PYGB: variants seen among roughly 807,000 people sequenced by gnomAD.
PYGB encodes glycogen phosphorylase, brain form.
PYGB carries 82 observed loss-of-function variants against 94.3 expected under a neutral mutation model. That is an observed-to-expected ratio of 0.87 (90% CI 0.73 to 1.04). The LOEUF is 1.04. PYGB is among the 50% of genes least tolerant of loss of function. The pLI is 0.00. For synonymous variants in PYGB, 488 were observed against 479.1 expected, an observed-to-expected ratio of 1.02 and a Z score of -0.24; for missense variants, 1,132 against 1,158.2, an observed-to-expected ratio of 0.98 and a Z score of 0.33.
In PYGB at chr20:25,278,443, T is replaced by C. The variant is rs2088334624; in HGVS notation, c.980T>C (p.Phe327Ser). Residue 327 changes from phenylalanine to serine, a missense_variant, in exon 8 of 20, where the codon TTC becomes TCC. By Grantham distance (155) the Phe-to-Ser change is radical (BLOSUM62 -2). Coordinates refer to ENST00000216962, the MANE Select transcript of PYGB (RefSeq NM_002862.4). ...FGCRDPVRTC[F>S]ETFPDKVAIQ... is the part of the protein sequence containing the mutation. Reference sequence around the variant, plus strand: ...TGCCGGGACCCTGTGAGAACCTGTTTCGAGACGTTCCCAGACAAGGTGCAT... The same window carrying C: ...TGCCGGGACCCTGTGAGAACCTGTTCCGAGACGTTCCCAGACAAGGTGCAT... 1.2e-6 allele frequency: 2 copies of C among 1,614,160 alleles called. No homozygotes were observed. The highest frequency in any genetic ancestry group is 2.2e-5 in the East Asian group (1 of 44,874).
chr20:25,249,949 A>G (rs2092882959), intron 1 of PYGB, among the ~76,000 whole-genome samples: 3 of 151,964 alleles, frequency 2.0e-5, no homozygotes, highest in South Asian at 2.1e-4. Flanking sequence ...TCCCGGGTTC[A>G]AGCAATTCTC....
rs745785764 is a variant in PYGB at position 25,283,138 on chromosome 20, C to G, written c.1519-38C>G. ...GGCTAGGGGGCCCAGCCTCAGGAGG[C>G]TGAGGCCCACAGTGAGCGGAACCTT... On this transcript the variant is annotated intron_variant, in intron 12 of 19. Transcript: ENST00000216962. 3.0e-5 allele frequency: 46 copies of G among 1,545,998 alleles called. 1 individual carries two copies. In the South Asian group the frequency reaches 5.1e-4, roughly 17 times the overall value.
At chr20:25,262,847 C>T (rs1361964281) in intron 2 of PYGB, among the ~76,000 whole-genome samples, 2 of 151,992 alleles carry the variant, frequency 1.3e-5, no homozygotes, top group Non-Finnish European at 2.9e-5. Flanking sequence ...TTTAAACCAA[C>T]AAAGATCAAA....
intron 4 of PYGB, among the ~76,000 whole-genome samples, chr20:25,273,869 G>T (rs1177236953): frequency 6.6e-6 from 1 of 152,038 alleles, no homozygotes; most frequent in Non-Finnish European, 1.5e-5. Context: ...TTTTTTTAGA[G>T]ATAGGTCCTG....
At chr20:25,285,911 C>G (rs1238860405) in intron 14 of PYGB, among the ~76,000 whole-genome samples, 1 of 152,210 alleles carries the variant, frequency 6.6e-6, no homozygotes, top group African/African-American at 2.4e-5. Flanking sequence ...CTCATGGGAA[C>G]AACCTTCCCG....
chr20:25,262,911 G>A (rs1468263885), intron 2 of PYGB, among the ~76,000 whole-genome samples: 2 of 152,268 alleles, frequency 1.3e-5, no homozygotes, highest in African/African-American at 2.4e-5. Flanking sequence ...AACAAGAAGA[G>A]CTAACTATTC....
chr20:25,275,678 C>G (rs951906876), intron 5 of PYGB, among the ~76,000 whole-genome samples: 2 of 152,222 alleles, frequency 1.3e-5, no homozygotes, highest in African/African-American at 4.8e-5. Flanking sequence ...TGTGGATGAG[C>G]ATGTCAGTGT....
chr20:25,276,101 G>A (rs1366791071), intron 5 of PYGB, among the ~76,000 whole-genome samples: 1 of 152,172 alleles, frequency 6.6e-6, no homozygotes, highest in Admixed American at 6.5e-5. Flanking sequence ...GAGAGAGGGA[G>A]CCAGGCTGGG....
chr20:25,293,364 G>A lies in PYGB; in HGVS notation c.2177+751G>A, dbSNP rs186350338. ...TCAGGGCACTCCACTGTGTGTGGCC[G>A]TCAGGTCTCCCCAGTGTCATTTGGT... On this transcript the variant is annotated intron_variant, in intron 17 of 19. Transcript: ENST00000216962. Among the ~76,000 whole-genome samples the A allele has an allele frequency of 1.4e-3, 209 of 152,286 alleles. 2 individuals carry two copies. Among genetic ancestry groups the A allele is most frequent in the Middle Eastern group, 0.014 (4 of 294 alleles).
At chr20:25,281,165 G>C in intron 11 of PYGB, 53 bp downstream of exon 11, 1 of 1,600,016 alleles carries the variant, frequency 6.2e-7, no homozygotes, top group Non-Finnish European at 8.5e-7. Flanking sequence ...ACCCAGGCCT[G>C]CGTCTAGGAC....
chr20:25,252,123 A>G (rs1201444349), intron 1 of PYGB, among the ~76,000 whole-genome samples: 1 of 152,234 alleles, frequency 6.6e-6, no homozygotes, highest in African/African-American at 2.4e-5. Context: ...CCCTGACAGC[A>G]GATCGCTCAA....
intron 10 of PYGB, 106 bp from the exon 11 acceptor site, chr20:25,280,843 C>T: frequency 7.0e-7 from 1 of 1,419,044 alleles, no homozygotes. Context: ...CTGGAGGCAG[C>T]AGAGCTTCCC....
intron 14 of PYGB, among the ~76,000 whole-genome samples, chr20:25,287,519 G>A (rs1046077247): frequency 3.3e-5 from 5 of 152,070 alleles, no homozygotes; most frequent in Admixed American, 6.6e-5. Context: ...GTAACCTGTC[G>A]GTGCCTGTAG....
rs371683304 is a variant in PYGB at position 25,277,264 on chromosome 20, G to A, written c.793G>A (p.Glu265Lys). 40 of 1,576,660 alleles carry A rather than the reference G, an allele frequency of 2.5e-5. No homozygotes were observed. In the Admixed American group the frequency reaches 3.5e-4, roughly 14 times the overall value. The part of the protein sequence containing the change: ...LQDFNVGDYI[E>K]AVLDRNLAEN... ...CTTAGTCAACGTGGGAGACTACATC[G>A]AGGCGGTCCTGGACCGGAACTTGGC... The change falls in exon 7 of 20, where the codon GAG becomes AAG. Residue 265 changes from glutamate (E) to lysine (K), a missense_variant. Physicochemically the swap from Glu to Lys is moderately conservative, Grantham distance 56 (BLOSUM62 1). Transcript: ENST00000216962.
intron 13 of PYGB, 90 bp downstream of exon 13, chr20:25,283,367 C>G: frequency 8.5e-7 from 1 of 1,181,154 alleles, no homozygotes; most frequent in Non-Finnish European, 1.2e-6. Context: ...AGGCCCAGCA[C>G]AGGTCCTGGG....
intron 18 of PYGB, chr20:25,295,059 G>A (rs1568701595): frequency 6.2e-7 from 1 of 1,610,712 alleles, no homozygotes; most frequent in East Asian, 2.2e-5. Flanking sequence ...TTTTAAAATT[G>A]TGAACTCTGC....
intron 2 of PYGB, among the ~76,000 whole-genome samples, chr20:25,260,651 G>C (rs1286098131): frequency 1.3e-5 from 2 of 152,190 alleles, no homozygotes; most frequent in East Asian, 3.9e-4. Flanking sequence ...CCCACCGAGC[G>C]TGAGAGCATG....
intron 2 of PYGB, among the ~76,000 whole-genome samples, chr20:25,260,363 A>G (rs1291083687): frequency 6.6e-6 from 1 of 152,242 alleles, no homozygotes; most frequent in Non-Finnish European, 1.5e-5. Flanking sequence ...TCTTACATAT[A>G]GTAAAAATTT....
At chr20:25,273,373 G>A (rs533358602) in intron 4 of PYGB, among the ~76,000 whole-genome samples, 1 of 152,352 alleles carries the variant, frequency 6.6e-6, no homozygotes, top group East Asian at 1.9e-4. Flanking sequence ...GGGGCCTGCT[G>A]TGCGGAGGGG....
Sources: allele counts gnomAD v4.1 joint callset (sites outside exome capture counted in the v4.1 genomes callset), GRCh38; gene constraint gnomAD v4.1.1; transcripts MANE v1.5; gene names NCBI Gene and HGNC (gene_info 2026-07-23, HGNC 2026-07-21).